The following ZC3H12B variants were observed in gnomAD, a reference collection of about 807,000 sequenced individuals.
ZC3H12B encodes the protein probable ribonuclease ZC3H12B.
ZC3H12B carries 7 observed loss-of-function variants against 43.9 expected under a neutral mutation model. That is an observed-to-expected ratio of 0.16 (90% CI 0.09 to 0.30). The LOEUF (loss-of-function observed/expected upper bound fraction) is 0.30, where lower values mean the gene tolerates loss of function less well. ZC3H12B is among the 10% of genes least tolerant of loss of function. The pLI, the probability that ZC3H12B is intolerant of heterozygous loss-of-function variation, is 1.00. For synonymous variants in ZC3H12B, 222 were observed against 241.7 expected, an observed-to-expected ratio of 0.92 and a Z score of 0.76; for missense variants, 475 against 670.2, an observed-to-expected ratio of 0.71 and a Z score of 3.22.
the ZC3H12B span, among the ~76,000 whole-genome samples, chrX:65,330,257 A>T: frequency 9.0e-6 from 1 of 111,653 alleles, no homozygotes; most frequent in Non-Finnish European, 1.9e-5. Flanking sequence ...TTAATTTTGT[A>T]TCCTGAAACT....
chrX:65,458,029 C>A (rs1299861383), intron 3 of ZC3H12B, among the ~76,000 whole-genome samples: 38 of 63,314 alleles, frequency 6.0e-4, no homozygotes, highest in Middle Eastern at 6.5e-3. Flanking sequence ...CCTGCCAAAT[C>A]CCCCTCTGCG....
the ZC3H12B span, among the ~76,000 whole-genome samples, chrX:65,158,305 G>C: frequency 9.0e-6 from 1 of 111,447 alleles, no homozygotes. Flanking sequence ...GAATGGCTGA[G>C]TCAAATGGTA....
At chrX:65,281,483 C>A in the ZC3H12B span, among the ~76,000 whole-genome samples, 1 of 111,572 alleles carries the variant, frequency 9.0e-6, no homozygotes, top group East Asian at 2.8e-4. Context: ...GCCTCGGCTT[C>A]CCAAAGTGCT....
At chrX:65,154,227 CAAT>C in the ZC3H12B span, among the ~76,000 whole-genome samples, 3 of 111,136 alleles carry the variant, frequency 2.7e-5, no homozygotes, top group Non-Finnish European at 5.7e-5. Context: ...ACTTAAAGTA[CAAT>C]AATAATAAAA....
At chrX:65,355,990 G>C in the ZC3H12B span, among the ~76,000 whole-genome samples, 1 of 111,799 alleles carries the variant, frequency 8.9e-6, no homozygotes, top group South Asian at 3.7e-4. Context: ...AATTCTTATA[G>C]TCCCCTTTCA....
At chrX:65,389,193 G>A (rs866839007) in intron 2 of ZC3H12B, among the ~76,000 whole-genome samples, 1 of 112,256 alleles carries the variant, frequency 8.9e-6, no homozygotes, top group Non-Finnish European at 1.9e-5. Flanking sequence ...GTCTGCAGAG[G>A]ATTCTGCTGC....
At chrX:65,230,255 AATC>A in the ZC3H12B span, among the ~76,000 whole-genome samples, 1 of 110,816 alleles carries the variant, frequency 9.0e-6, no homozygotes, top group East Asian at 2.9e-4. Context: ...TGAAATTGGA[AATC>A]ATCATTCTCA....
intron 3 of ZC3H12B, among the ~76,000 whole-genome samples, chrX:65,480,846 CA>C (rs59314463): frequency 5.2e-3 from 357 of 68,384 alleles, no homozygotes; most frequent in Non-Finnish European, 7.5e-3. Flanking sequence ...AACTCTGACT[CA>C]AAAAAAAAAA....
At chrX:65,391,826 G>A (rs1895168441) in intron 2 of ZC3H12B, among the ~76,000 whole-genome samples, 1 of 111,275 alleles carries the variant, frequency 9.0e-6, no homozygotes, top group African/African-American at 3.3e-5. Context: ...GCCAAGGCTG[G>A]ACTGTAATGC....
chrX:65,212,171 ATAT>A, the ZC3H12B span, among the ~76,000 whole-genome samples: 11 of 48,901 alleles, frequency 2.2e-4, no homozygotes, highest in East Asian at 2.4e-3. Flanking sequence ...ATAATATATA[ATAT>A]TATATATTAT....
the ZC3H12B span, among the ~76,000 whole-genome samples, chrX:65,252,972 G>A: frequency 8.9e-6 from 1 of 112,268 alleles, no homozygotes; most frequent in East Asian, 2.8e-4. Context: ...AGGTGAACAT[G>A]TAGAGCAGCA....
chrX:65,091,397 A>G, the ZC3H12B span, among the ~76,000 whole-genome samples: 2 of 112,433 alleles, frequency 1.8e-5, no homozygotes, highest in African/African-American at 6.5e-5. Flanking sequence ...CCAGAACAGC[A>G]GGAGAATAAG....
the ZC3H12B span, among the ~76,000 whole-genome samples, chrX:65,151,626 T>G: frequency 8.9e-6 from 1 of 111,777 alleles, no homozygotes; most frequent in Non-Finnish European, 1.9e-5. Context: ...CTTTGTGGTT[T>G]TTTTCTTCAA....
the ZC3H12B span, among the ~76,000 whole-genome samples, chrX:65,077,207 T>A: frequency 1.8e-5 from 2 of 111,853 alleles, no homozygotes; most frequent in African/African-American, 6.5e-5. Flanking sequence ...CCATCTGCCA[T>A]GGCACAAAGC....
chrX:65,214,814 G>T, the ZC3H12B span, among the ~76,000 whole-genome samples: 5 of 111,627 alleles, frequency 4.5e-5, no homozygotes, highest in Non-Finnish European at 5.6e-5. Flanking sequence ...AGGAATCACT[G>T]TCTCTGACAG....
intron 3 of ZC3H12B, among the ~76,000 whole-genome samples, chrX:65,401,696 G>C (rs763927701): frequency 9.0e-6 from 1 of 111,679 alleles, no homozygotes; most frequent in Admixed American, 9.5e-5. Context: ...CTTTAGGAGA[G>C]TAATGGGAAA....
chrX:65,046,505 T>A, the ZC3H12B span, among the ~76,000 whole-genome samples: 1 of 111,711 alleles, frequency 9.0e-6, no homozygotes, highest in African/African-American at 3.3e-5. Context: ...CTTCATAGAA[T>A]TAAAAAGAGT....
the ZC3H12B span, among the ~76,000 whole-genome samples, chrX:65,198,869 C>T: frequency 3.6e-5 from 4 of 111,593 alleles, no homozygotes; most frequent in Non-Finnish European, 7.5e-5. Flanking sequence ...CTCTGTTGCC[C>T]ACACTGGAGT....
the ZC3H12B span, among the ~76,000 whole-genome samples, chrX:65,094,972 G>A: frequency 8.9e-6 from 1 of 111,740 alleles, no homozygotes. Flanking sequence ...CATTTTGCAG[G>A]CATTTTTTTC....
Sources: gnomAD v4.1 joint callset for allele counts (sites outside exome capture counted in the v4.1 genomes callset) on GRCh38, gnomAD v4.1.1 for gene constraint, MANE v1.5 for transcripts, NCBI Gene and HGNC (gene_info 2026-07-23, HGNC 2026-07-21) for gene names.